FTO: variants seen among roughly 807,000 people sequenced by gnomAD.
FTO encodes the protein alpha-ketoglutarate-dependent dioxygenase FTO.
In FTO, 47 loss-of-function variants were observed where a neutral mutation model predicts 63.9. The ratio of observed to expected loss-of-function variants is 0.74; its 90% confidence interval spans 0.58 to 0.94. FTO has a LOEUF of 0.94. FTO is among the 40% of genes least tolerant of loss of function. FTO has a pLI of 0.00. For missense variants in FTO, 562 were observed against 618.1 expected (o/e 0.91, Z 0.96); for synonymous variants, 207 against 224.4 (o/e 0.92, Z 0.69).
chr16:53,985,988 T>C (rs1371303584), intron 8 of FTO, among the ~76,000 whole-genome samples: 1 of 152,236 alleles, frequency 6.6e-6, no homozygotes, highest in African/African-American at 2.4e-5. Flanking sequence ...AATGGCTGAC[T>C]GGATTTAAGT....
intron 7 of FTO, among the ~76,000 whole-genome samples, chr16:53,895,487 A>C (rs2081258584): frequency 6.6e-6 from 1 of 152,184 alleles, no homozygotes; most frequent in South Asian, 2.1e-4. Flanking sequence ...AAATACTTAA[A>C]CCCCTTTAGA....
At chr16:54,068,861 G>A (rs1010257084) in intron 8 of FTO, among the ~76,000 whole-genome samples, 12 of 151,930 alleles carry the variant, frequency 7.9e-5, no homozygotes, top group Non-Finnish European at 1.0e-4. Context: ...TGCGGTAACT[G>A]TTCCCTGATA....
chr16:53,999,349 C>G (rs1430221596), intron 8 of FTO, among the ~76,000 whole-genome samples: 2 of 152,094 alleles, frequency 1.3e-5, no homozygotes, highest in African/African-American at 2.4e-5. Context: ...CTTCCGGAAA[C>G]CCAGCAGAGG....
chr16:53,783,022 A>G (rs146806858), intron 1 of FTO, among the ~76,000 whole-genome samples: 2 of 152,306 alleles, frequency 1.3e-5, no homozygotes, highest in East Asian at 1.9e-4. Flanking sequence ...AGAAATCTTT[A>G]TCAGTAATTT....
intron 5 of FTO, among the ~76,000 whole-genome samples, chr16:53,879,245 G>A (rs1329825401): frequency 2.0e-5 from 3 of 152,154 alleles, no homozygotes; most frequent in East Asian, 1.9e-4. Flanking sequence ...TAAATAGGGC[G>A]TTAGCCTCCG....
chr16:54,019,600 C>CT (rs1436444006), intron 8 of FTO, among the ~76,000 whole-genome samples: 1 of 150,510 alleles, frequency 6.6e-6, no homozygotes, highest in Non-Finnish European at 1.5e-5. Context: ...GTGTTGGGCC[C>CT]TTCAGGTAGA....
chr16:54,009,813 A>G (rs757464692), intron 8 of FTO, among the ~76,000 whole-genome samples: 26 of 152,028 alleles, frequency 1.7e-4, no homozygotes, highest in Non-Finnish European at 3.2e-4. Flanking sequence ...CCTGTCATGT[A>G]ACTCCCTCTG....
chr16:53,704,203 G>GC lies in FTO; in HGVS notation c.21dup (p.Glu8ArgfsTer8). The stretch of plus-strand genomic sequence containing the variant: ...TGGCAGCATGAAGCGCACCCCGACT[G>GC]CCGAGGAACGAGAGCGCGAAGCTAA... On this transcript the variant is annotated frameshift_variant, in exon 1 of 9. Transcript: ENST00000471389. LOFTEE classifies it high-confidence loss of function. The GC allele has an allele frequency of 6.4e-7, 1 of 1,551,534 alleles. No homozygotes were observed.
At chr16:53,962,730 T>A (rs1282561757) in intron 8 of FTO, among the ~76,000 whole-genome samples, 19 of 152,234 alleles carry the variant, frequency 1.2e-4, no homozygotes, top group Admixed American at 1.2e-3. Context: ...GTCCCAAATA[T>A]ACTGAATGTA....
intron 1 of FTO, among the ~76,000 whole-genome samples, chr16:53,704,907 C>T (rs922347706): frequency 3.9e-5 from 6 of 152,136 alleles, no homozygotes; most frequent in Admixed American, 6.5e-5. Flanking sequence ...AAATAACAGC[C>T]CAGCTTCACA....
intron 5 of FTO, among the ~76,000 whole-genome samples, chr16:53,875,543 G>T (rs2080624241): frequency 6.6e-6 from 1 of 152,116 alleles, no homozygotes; most frequent in African/African-American, 2.4e-5. Flanking sequence ...ATTTTATTCT[G>T]TTGAAAAACT....
chr16:53,972,732 G>A (rs997842434), intron 8 of FTO, among the ~76,000 whole-genome samples: 22 of 152,276 alleles, frequency 1.4e-4, no homozygotes, highest in Non-Finnish European at 1.5e-4. Flanking sequence ...CTACATTTTA[G>A]GTACATCCAT....
intron 8 of FTO, chr16:54,071,197 G>A (rs141974413): frequency 8.5e-5 from 13 of 152,236 alleles, no homozygotes; most frequent in Non-Finnish European, 1.6e-4. Context: ...AAGGAGTCCA[G>A]TTAACAGAAG....
chr16:54,090,676 T>A, intron 8 of FTO, among the ~76,000 whole-genome samples: 1 of 152,200 alleles, frequency 6.6e-6, no homozygotes, highest in South Asian at 2.1e-4. Context: ...CATTGCAATG[T>A]AACAAATCAC....
chr16:53,881,783 T>C (rs908439556), intron 6 of FTO, among the ~76,000 whole-genome samples: 3 of 152,372 alleles, frequency 2.0e-5, no homozygotes, highest in African/African-American at 7.2e-5. Flanking sequence ...TTAACATGTA[T>C]ACATTTCTTT....
chr16:53,918,624 C>CT (rs1407141169), intron 7 of FTO, among the ~76,000 whole-genome samples: 3 of 152,136 alleles, frequency 2.0e-5, no homozygotes, highest in Admixed American at 2.0e-4. Context: ...ACCCTAAAAG[C>CT]TTAATCAAAT....
At chr16:53,708,948 A>C (rs1162108480) in intron 1 of FTO, among the ~76,000 whole-genome samples, 2 of 152,182 alleles carry the variant, frequency 1.3e-5, no homozygotes, top group African/African-American at 2.4e-5. Flanking sequence ...GTGTGTTGCA[A>C]ACATTATCTT....
At chr16:54,029,950 T>C (rs1386399928) in intron 8 of FTO, among the ~76,000 whole-genome samples, 5 of 152,220 alleles carry the variant, frequency 3.3e-5, no homozygotes, top group Non-Finnish European at 5.9e-5. Flanking sequence ...TTTTAACTCA[T>C]GCAGTAAAGT....
intron 7 of FTO, among the ~76,000 whole-genome samples, chr16:53,893,612 T>C (rs2081207133): frequency 6.6e-6 from 1 of 152,018 alleles, no homozygotes; most frequent in South Asian, 2.1e-4. Flanking sequence ...AAAAGAATGC[T>C]AGGTGCGAAA....
Sources: gnomAD v4.1 joint callset for allele counts (sites outside exome capture counted in the v4.1 genomes callset) on GRCh38, gnomAD v4.1.1 for gene constraint, MANE v1.5 for transcripts, NCBI Gene and HGNC (gene_info 2026-07-23, HGNC 2026-07-21) for gene names.